CCDC40: variants seen among roughly 807,000 people sequenced by gnomAD.
CCDC40 encodes coiled-coil domain 40 molecular ruler complex subunit.
In CCDC40, 104 loss-of-function variants were observed where a neutral mutation model predicts 124.5. That is an observed-to-expected ratio of 0.84 (90% CI 0.71 to 0.98). The LOEUF (loss-of-function observed/expected upper bound fraction) is 0.98. CCDC40 is among the 50% of genes least tolerant of loss of function. The pLI, the probability that CCDC40 is intolerant of heterozygous loss-of-function variation, is 0.00. For missense variants in CCDC40, 1,463 were observed against 1,503.9 expected (o/e 0.97, Z 0.45); for synonymous variants, 580 against 602.9 (o/e 0.96, Z 0.56).
chr17:80,095,546 A>C (rs1342848332), intron 18 of CCDC40, 95 bp downstream of exon 18: 8 of 1,235,120 alleles, frequency 6.5e-6, no homozygotes, highest in Admixed American at 4.0e-5. Flanking sequence ...CGGGGTGAGG[A>C]TGCAGAGGCT....
Position 80,081,930 on chromosome 17 carries a change from G to C in CCDC40, c.1861G>C (p.Glu621Gln). The stretch of plus-strand genomic sequence containing the variant: ...GGCCATCCGCCAAGCCATCCAGGGC[G>C]AGCTGGAGCTCAGGAGGAAGACGGA... ...LQAIRQAIQG[E>Q]LELRRKTDAA... The change falls in exon 12 of 20, where the codon GAG becomes CAG. Residue 621 changes from glutamate (E) to glutamine (Q), a missense_variant. Coordinates refer to ENST00000397545, the MANE Select transcript of CCDC40 (RefSeq NM_017950.4). The C allele has an allele frequency of 6.2e-7, 1 of 1,613,918 alleles. No individual in the cohort carries two copies. The highest frequency in any genetic ancestry group is 8.5e-7 in the Non-Finnish European group (1 of 1,179,934).
intron 12 of CCDC40, among the ~76,000 whole-genome samples, chr17:80,082,778 C>T (rs1380105474): frequency 6.6e-6 from 1 of 152,228 alleles, no homozygotes; most frequent in Non-Finnish European, 1.5e-5. Flanking sequence ...CCCGGGCCCC[C>T]GCCGAGCCCC....
In CCDC40 at chr17:80,089,895, G is replaced by A; in HGVS notation, c.2832+11G>A. On this transcript the variant is annotated intron_variant, in intron 17 of 19. Coordinates refer to ENST00000397545, the MANE Select transcript of CCDC40 (RefSeq NM_017950.4). ...ATCCACAGGATGAAGGTGAGGGGAGGAGAGCGGCGTGGCAGGGCCTGCTGG... is the reference window on the plus strand; with the variant it reads ...ATCCACAGGATGAAGGTGAGGGGAGAAGAGCGGCGTGGCAGGGCCTGCTGG... 2 of 1,614,016 alleles carry A rather than the reference G, an allele frequency of 1.2e-6. No individual in the cohort carries two copies. Among genetic ancestry groups the A allele is most frequent in the Non-Finnish European group, 1.7e-6 (2 of 1,179,982 alleles).
At chr17:80,083,550 C>T (rs1438792718) in intron 12 of CCDC40, among the ~76,000 whole-genome samples, 1 of 152,182 alleles carries the variant, frequency 6.6e-6, no homozygotes, top group African/African-American at 2.4e-5. Context: ...AGACACAGGG[C>T]CCGAGGCCAC....
intron 16 of CCDC40, 163 bp downstream of exon 16, chr17:80,088,265 T>C: frequency 1.4e-6 from 1 of 699,588 alleles, no homozygotes; most frequent in Non-Finnish European, 2.6e-6. Flanking sequence ...TTGTTTTGTT[T>C]TGTTTTTAGA....
At chr17:80,064,660 A>AC (rs1221827949) in intron 9 of CCDC40, among the ~76,000 whole-genome samples, 2 of 146,456 alleles carry the variant, frequency 1.4e-5, no homozygotes, top group African/African-American at 5.1e-5. Flanking sequence ...TTCCTGAACC[A>AC]CCCCCCTAGT....
chr17:80,087,754 A>G lies in CCDC40; in HGVS notation c.2597A>G (p.Asn866Ser), dbSNP rs2038617610. Residue 866 changes from asparagine to serine, a missense_variant, in exon 15 of 20, where the codon AAT becomes AGT. Coordinates refer to ENST00000397545, the MANE Select transcript of CCDC40 (RefSeq NM_017950.4). This position sits in a 1 kb window ranked among gnomAD's most constrained non-coding sequence, Gnocchi z 4.5. ...GAGCAGAACAACCGGGTGACAGAGA[A>G]TGAGTTCGTGCGCTCGCTGAAGGTC... ...ELEQNNRVTE[N>S]EFVRSLKASE... 2 of 1,614,098 alleles carry G rather than the reference A, an allele frequency of 1.2e-6. No homozygotes were observed. Among genetic ancestry groups the G allele is most frequent in the Non-Finnish European group, 1.7e-6 (2 of 1,179,980 alleles).
chr17:80,058,428 A>G lies in CCDC40; in HGVS notation c.1160-66A>G, dbSNP rs1434306121. 2.0e-6 allele frequency: 3 copies of G among 1,497,996 alleles called. No homozygotes were observed. Among genetic ancestry groups the G allele is most frequent in the Admixed American group, 1.7e-5 (1 of 59,804 alleles). 92.8% of individuals were successfully genotyped at this position (1,497,996 alleles called of 1,614,324 possible). ...TCCCTGCTTCCTCCTGGGTCTCTGC[A>G]TGGGGGACGCTGGGACAGCCTCCCC... On this transcript the variant is annotated intron_variant, in intron 7 of 19. Transcript: ENST00000397545. The surrounding 1 kb of genome is among the most constrained non-coding windows in gnomAD (Gnocchi z 4.2).
rs199786478 is a variant in CCDC40 at position 80,081,697 on chromosome 17, T to C, written c.1714T>C (p.Cys572Arg). ...ACTGCTGCAGAAGCTCACCACCCAG[T>C]GCCTGACCAAGCAGGTGGCCCTGCA... ...ATLLQKLTTQ[C>R]LTKQVALQSQ... The change falls in exon 11 of 20, where the codon TGC becomes CGC. Residue 572 changes from cysteine to arginine, a missense_variant. Transcript: ENST00000397545. 7.4e-5 allele frequency: 120 copies of C among 1,614,164 alleles called. No individual in the cohort carries two copies. In the South Asian group the frequency reaches 1.2e-3, roughly 16 times the overall value.
intron 17 of CCDC40, among the ~76,000 whole-genome samples, chr17:80,091,653 C>T (rs2038726468): frequency 6.6e-6 from 1 of 152,182 alleles, no homozygotes; most frequent in Non-Finnish European, 1.5e-5. Flanking sequence ...GACACCCTCA[C>T]AGTTCTACCC....
chr17:80,058,376 G>T lies in CCDC40; in HGVS notation c.1160-118G>T. 1 of 842,454 alleles carries T rather than the reference G, an allele frequency of 1.2e-6. No individual in the cohort carries two copies. The highest frequency in any genetic ancestry group is 1.5e-5 in the South Asian group (1 of 67,742). 52.2% of individuals were successfully genotyped at this position (842,454 alleles called of 1,614,324 possible). A position where few individuals can be genotyped will look rare whatever the true frequency, so the allele number is the denominator to read the frequency against. Reference sequence around the variant, plus strand: ...CAGTTTCCCAGTCTTACCCAAAAATGGCAGGAAGGGTGCCCAGAACGGCTG... The same window carrying T: ...CAGTTTCCCAGTCTTACCCAAAAATTGCAGGAAGGGTGCCCAGAACGGCTG... On this transcript the variant is annotated intron_variant, in intron 7 of 19. Coordinates refer to ENST00000397545, the MANE Select transcript of CCDC40 (RefSeq NM_017950.4). This position sits in a 1 kb window ranked among gnomAD's most constrained non-coding sequence, Gnocchi z 4.2.
chr17:80,065,708 C>G (rs1030139449), intron 10 of CCDC40, 102 bp downstream of exon 10: 11 of 1,485,924 alleles, frequency 7.4e-6, no homozygotes, highest in African/African-American at 1.4e-5. Flanking sequence ...ATCTCTGGGA[C>G]AGAGGGTGCA....
intron 18 of CCDC40, 125 bp downstream of exon 18, chr17:80,095,576 C>A: frequency 1.2e-6 from 1 of 847,550 alleles, no homozygotes; most frequent in Non-Finnish European, 1.9e-6. Context: ...GCGTGCTCAG[C>A]ACTGCTAACC....
rs1335482581 is a variant in CCDC40 at position 80,099,501 on chromosome 17, T to C, written c.3181-26T>C. On this transcript the variant is annotated intron_variant, in intron 19 of 19. Coordinates refer to ENST00000397545, the MANE Select transcript of CCDC40 (RefSeq NM_017950.4). ...GTCTTTCTTCTGGTTTGCATAGCCC[T>C]ATATGGAGTCTCTTTTCCTACCCAG... 4 of 1,601,802 alleles carry C rather than the reference T, an allele frequency of 2.5e-6. No individual in the cohort carries two copies. In the Admixed American group the frequency reaches 6.7e-5, roughly 27 times the overall value.
intron 7 of CCDC40, among the ~76,000 whole-genome samples, chr17:80,057,526 C>T (rs2037779897): frequency 6.6e-6 from 1 of 152,182 alleles, no homozygotes; most frequent in East Asian, 1.9e-4. Flanking sequence ...GTGCAGTGAG[C>T]AAGCAAGTAC....
intron 2 of CCDC40, among the ~76,000 whole-genome samples, chr17:80,038,692 G>T (rs963892654): frequency 4.6e-5 from 7 of 151,912 alleles, no homozygotes; most frequent in Non-Finnish European, 1.0e-4. Flanking sequence ...AGGCATGGTG[G>T]TTCACGCCTG....
chr17:80,095,881 G>A (rs575550069), intron 18 of CCDC40, among the ~76,000 whole-genome samples: 10 of 152,352 alleles, frequency 6.6e-5, no homozygotes, highest in East Asian at 5.8e-4. Flanking sequence ...TGGGGAGCCC[G>A]AGTGGGCACC....
At chr17:80,077,650 A>T (rs955578906) in intron 10 of CCDC40, among the ~76,000 whole-genome samples, 1 of 152,252 alleles carries the variant, frequency 6.6e-6, no homozygotes, top group Admixed American at 6.5e-5. Context: ...ATTATCAGTC[A>T]TCTAATTTTA....
At chr17:80,049,828 T>C in intron 5 of CCDC40, 78 bp from the exon 6 acceptor site, 2 of 1,249,038 alleles carry the variant, frequency 1.6e-6, no homozygotes, top group Non-Finnish European at 2.4e-6. Flanking sequence ...GGGAGACCTG[T>C]GGCCACCTGG....
Sources: gnomAD v4.1 joint callset for allele counts (sites outside exome capture counted in the v4.1 genomes callset) on GRCh38, gnomAD v4.1.1 for gene constraint, Gnocchi (gnomAD v3.1) non-coding constraint, MANE v1.5 for transcripts, NCBI Gene and HGNC (gene_info 2026-07-23, HGNC 2026-07-21) for gene names.